SYT14: variants seen among roughly 807,000 people sequenced by gnomAD.
SYT14 encodes synaptotagmin 14.
A neutral mutation model predicts 74.2 loss-of-function variants in SYT14; 32 were observed. The ratio of observed to expected loss-of-function variants is 0.43; its 90% CI spans 0.33 to 0.58. The LOEUF (loss-of-function observed/expected upper bound fraction) is 0.58. SYT14 is among the 20% of genes least tolerant of loss of function. The pLI is 0.05. For missense variants in SYT14, 791 were observed against 981.8 expected (o/e 0.81, Z 2.60); for synonymous variants, 298 against 337.7 (o/e 0.88, Z 1.29).
chr1:209,961,439 T>C (rs1317874459), intron 2 of SYT14, among the ~76,000 whole-genome samples: 1 of 152,148 alleles, frequency 6.6e-6, no homozygotes, highest in Non-Finnish European at 1.5e-5. Flanking sequence ...AAAGAGTACA[T>C]GATTATGAAA....
At chr1:210,156,357 ATT>A (rs2083266824) in intron 8 of SYT14, among the ~76,000 whole-genome samples, 1 of 151,986 alleles carries the variant, frequency 6.6e-6, no homozygotes, top group African/African-American at 2.4e-5. Flanking sequence ...AGAAGAAACT[ATT>A]ACTTCACTTT....
chr1:209,999,051 A>G (rs1362976230), intron 2 of SYT14, among the ~76,000 whole-genome samples: 1 of 152,126 alleles, frequency 6.6e-6, no homozygotes, highest in East Asian at 1.9e-4. Flanking sequence ...CTTATTTGAC[A>G]AGGAACTTAT....
In SYT14 at chr1:210,094,380, A is replaced by G. The variant is rs756244216; in HGVS notation, c.1371A>G (p.Pro457=). Residue 457 remains proline (P), a synonymous_variant, in exon 6 of 10, where the codon CCA becomes CCG. Coordinates refer to ENST00000637265, the Ensembl canonical transcript of SYT14. Reference sequence around the variant, plus strand: ...CGCTGGATGAATTGCAGCCACCACCATATCAGGATGACAGTGGTTCTCCCC... The same window carrying G: ...CGCTGGATGAATTGCAGCCACCACCGTATCAGGATGACAGTGGTTCTCCCC... 34 of 1,613,910 alleles carry G rather than the reference A, an allele frequency of 2.1e-5. No homozygotes were observed. The East Asian group carries it at 7.4e-4, about 35-fold the overall frequency.
At chr1:210,132,089 C>G (rs1473437661) in intron 7 of SYT14, among the ~76,000 whole-genome samples, 3 of 152,294 alleles carry the variant, frequency 2.0e-5, no homozygotes, top group African/African-American at 7.2e-5. Context: ...CCTTCTCACC[C>G]TGCAGAAGGT....
At chr1:210,044,660 C>G (rs1158855625) in intron 5 of SYT14, among the ~76,000 whole-genome samples, 1 of 152,124 alleles carries the variant, frequency 6.6e-6, no homozygotes, top group Non-Finnish European at 1.5e-5. Context: ...TTTCTCTTTT[C>G]TTGGAATTTC....
chr1:210,029,088 C>T (rs987070667), intron 5 of SYT14, among the ~76,000 whole-genome samples: 3 of 152,006 alleles, frequency 2.0e-5, no homozygotes, highest in African/African-American at 7.2e-5. Context: ...GAGAAATGTC[C>T]AAATCTTTTG....
intron 5 of SYT14, among the ~76,000 whole-genome samples, chr1:210,085,884 G>A (rs113497028): frequency 2.0e-5 from 3 of 151,998 alleles, no homozygotes; most frequent in Non-Finnish European, 2.9e-5. Flanking sequence ...TGATGTCAAG[G>A]TTATTATGGC....
chr1:210,115,121 CG>C (rs2082333629), intron 7 of SYT14, among the ~76,000 whole-genome samples: 2 of 150,838 alleles, frequency 1.3e-5, no homozygotes, highest in South Asian at 4.2e-4. Context: ...ATGGAAAAAT[CG>C]AAAGTGCCAT....
chr1:209,978,387 T>C (rs978312443), intron 2 of SYT14, among the ~76,000 whole-genome samples: 1 of 152,220 alleles, frequency 6.6e-6, no homozygotes, highest in Non-Finnish European at 1.5e-5. Flanking sequence ...GATTTTGGTG[T>C]GGATGTCCTT....
chr1:210,087,975 G>A (rs2081773015), intron 5 of SYT14, among the ~76,000 whole-genome samples: 1 of 152,122 alleles, frequency 6.6e-6, no homozygotes, highest in South Asian at 2.1e-4. Flanking sequence ...TTGAAATGAT[G>A]TCCTCTTTTT....
At chr1:210,150,285 C>CT (rs767623265) in intron 7 of SYT14, among the ~76,000 whole-genome samples, 2 of 152,204 alleles carry the variant, frequency 1.3e-5, no homozygotes, top group Non-Finnish European at 2.9e-5. Flanking sequence ...GTGCCTGAAG[C>CT]TGCCTGTGTA....
chr1:210,101,157 A>T (rs919033623), intron 7 of SYT14, among the ~76,000 whole-genome samples: 2 of 152,142 alleles, frequency 1.3e-5, no homozygotes, highest in Non-Finnish European at 2.9e-5. Flanking sequence ...CAGGAGAGAA[A>T]TGTCTGCACT....
At chr1:210,007,010 A>G (rs2080000191) in intron 2 of SYT14, among the ~76,000 whole-genome samples, 1 of 151,822 alleles carries the variant, frequency 6.6e-6, no homozygotes, top group Non-Finnish European at 1.5e-5. Flanking sequence ...GTCGAAATGT[A>G]TTTGCTCTTG....
chr1:210,139,076 T>A (rs948096223), intron 7 of SYT14, among the ~76,000 whole-genome samples: 8 of 138,488 alleles, frequency 5.8e-5, no homozygotes, highest in African/African-American at 2.2e-4. Flanking sequence ...TTTATTTTTT[T>A]AAAGAGTACT....
chr1:210,146,086 C>T (rs1014921190), intron 7 of SYT14, among the ~76,000 whole-genome samples: 2 of 152,066 alleles, frequency 1.3e-5, no homozygotes, highest in Non-Finnish European at 2.9e-5. Flanking sequence ...ATCTGTAATC[C>T]CAGCACTTTG....
intron 2 of SYT14, chr1:209,952,986 C>G: frequency 1.4e-6 from 2 of 1,398,748 alleles, no homozygotes; most frequent in Non-Finnish European, 1.9e-6. Context: ...AGCCTGGTTT[C>G]TAGCATATTG....
rs548009535 is a variant in SYT14, at chr1:210,058,876, G to A, written c.1313-35446G>A. Among the ~76,000 whole-genome samples the A allele has an allele frequency of 3.9e-5, 6 of 152,290 alleles. No homozygotes were observed. The South Asian group carries it at 1.2e-3, about 32-fold the overall frequency. ...GGATGGAGTAAAGAGGATTAAAAGT[G>A]CAGACCTCACTTTGTCTCCCACTCA... is the stretch of plus-strand genomic sequence containing the variant. On this transcript the variant is annotated intron_variant, in intron 5 of 9. Transcript: ENST00000637265.
chr1:209,992,216 G>T (rs934133001), intron 2 of SYT14, among the ~76,000 whole-genome samples: 2 of 152,072 alleles, frequency 1.3e-5, no homozygotes, highest in African/African-American at 4.8e-5. Flanking sequence ...CACGATCATA[G>T]CTCACTCATC....
At chr1:209,985,481 A>C (rs1572113387) in intron 2 of SYT14, among the ~76,000 whole-genome samples, 1 of 152,224 alleles carries the variant, frequency 6.6e-6, no homozygotes, top group Non-Finnish European at 1.5e-5. Context: ...GTCAGCCCCC[A>C]CATCTGTTCT....
Sources: gnomAD v4.1 joint callset for allele counts (sites outside exome capture counted in the v4.1 genomes callset) on GRCh38, gnomAD v4.1.1 for gene constraint, MANE v1.5 for transcripts, NCBI Gene and HGNC (gene_info 2026-07-23, HGNC 2026-07-21) for gene names.